Variants in CDIN1 observed in about 807,000 individuals in gnomAD.
The protein encoded by CDIN1 is CDAN1 interacting nuclease 1.
Under a neutral mutation model 45.3 loss-of-function variants are expected in CDIN1, and 33 were observed. The observed-to-expected ratio is 0.73, with a 90% confidence interval of 0.55 to 0.97. The LOEUF is 0.97. Among genes scored for constraint, CDIN1 ranks in the 50% least tolerant of loss-of-function variants. The pLI is 0.00. For synonymous variants in CDIN1, 118 were observed against 124.4 expected, an observed-to-expected ratio of 0.95 and a Z score of 0.34; for missense variants, 303 against 339.4, an observed-to-expected ratio of 0.89 and a Z score of 0.84.
intron 7 of CDIN1, among the ~76,000 whole-genome samples, chr15:36,692,429 A>G (rs1052867516): frequency 5.3e-5 from 8 of 152,218 alleles, no homozygotes; most frequent in Non-Finnish European, 5.9e-5. Context: ...CTGGTTTTCA[A>G]TGAGTTTACA....
rs576976802 is a variant in CDIN1, at chr15:36,619,521, A to G, written c.102-24757A>G. On this transcript the variant is annotated intron_variant, in intron 1 of 10. Coordinates refer to ENST00000566621, the MANE Select transcript of CDIN1 (RefSeq NM_001321759.2). The stretch of plus-strand genomic sequence containing the variant: ...TATCTATCTATCTATCTATCTATCC[A>G]TCCATCCACACACACATATAAAGTG... 4.2e-4 allele frequency among the ~76,000 whole-genome samples: 63 copies of G among 151,306 alleles called. 2 individuals are homozygous for G. In the East Asian group the frequency reaches 0.012, roughly 29 times the overall value.
intron 5 of CDIN1, among the ~76,000 whole-genome samples, chr15:36,672,214 T>C (rs1277779186): frequency 6.6e-6 from 1 of 152,150 alleles, no homozygotes; most frequent in Non-Finnish European, 1.5e-5. Context: ...TCTTTTTCTA[T>C]GAAACATGTC....
chr15:36,760,258 A>G (rs919659778), intron 10 of CDIN1, among the ~76,000 whole-genome samples: 1 of 152,202 alleles, frequency 6.6e-6, no homozygotes, highest in Non-Finnish European at 1.5e-5. Context: ...GGAAAGTACA[A>G]TAGCCTCAGT....
In CDIN1 at chr15:36,622,453, T is replaced by C. The variant is rs186790512; in HGVS notation, c.102-21825T>C. On this transcript the variant is annotated intron_variant, in intron 1 of 10. Transcript: ENST00000566621. ...ACAGCAGCTGTGTGGACTTCTGTCATGGGGAGCAGGGCCCAGCAGTCAGGA... is the reference window on the plus strand; with the variant it reads ...ACAGCAGCTGTGTGGACTTCTGTCACGGGGAGCAGGGCCCAGCAGTCAGGA... 5.8e-3 allele frequency among the ~76,000 whole-genome samples: 885 copies of C among 152,276 alleles called. 6 individuals carry two copies. The highest frequency in any genetic ancestry group is 0.02 in the African/African-American group (840 of 41,558).
At chr15:36,795,140 G>A (rs1391342435) in intron 10 of CDIN1, among the ~76,000 whole-genome samples, 1 of 152,144 alleles carries the variant, frequency 6.6e-6, no homozygotes, top group Non-Finnish European at 1.5e-5. Context: ...AAGAGTGTGA[G>A]TTTAAGAGGG....
intron 5 of CDIN1, among the ~76,000 whole-genome samples, chr15:36,662,580 T>A (rs2041059166): frequency 6.6e-6 from 1 of 152,060 alleles, no homozygotes; most frequent in Non-Finnish European, 1.5e-5. Flanking sequence ...CCAGTAGGTG[T>A]TTAGATCTGA....
At chr15:36,716,815 C>A (rs1320715226) in intron 10 of CDIN1, among the ~76,000 whole-genome samples, 1 of 152,148 alleles carries the variant, frequency 6.6e-6, no homozygotes, top group Non-Finnish European at 1.5e-5. Flanking sequence ...TGAAGAAATA[C>A]AAGTCCAGGT....
intron 10 of CDIN1, among the ~76,000 whole-genome samples, chr15:36,722,198 T>G (rs1039431295): frequency 5.3e-5 from 8 of 152,136 alleles, no homozygotes; most frequent in Non-Finnish European, 8.8e-5. Context: ...AAATTAACCT[T>G]GTAATCTTAA....
chr15:36,763,888 A>G (rs2053841576), intron 10 of CDIN1, among the ~76,000 whole-genome samples: 1 of 152,222 alleles, frequency 6.6e-6, no homozygotes, highest in Non-Finnish European at 1.5e-5. Context: ...AGGTGGCAGC[A>G]AAGGCTATAT....
chr15:36,744,054 A>T (rs2044333293), intron 10 of CDIN1, among the ~76,000 whole-genome samples: 3 of 151,668 alleles, frequency 2.0e-5, no homozygotes, highest in Non-Finnish European at 4.4e-5. Context: ...GACCTTCATG[A>T]AATGCATCAC....
At position 36,742,293 on chromosome 15, in the gene CDIN1, T is replaced by G. The variant is rs900700512; in HGVS notation, c.716+32332T>G. On this transcript the variant is annotated intron_variant, in intron 10 of 10. Coordinates refer to ENST00000566621, the MANE Select transcript of CDIN1 (RefSeq NM_001321759.2). ...AAAATAGAGTATAAATGGAATAATA[T>G]GTAAAATGAGATACGAACCCTTACT... 3.3e-4 allele frequency among the ~76,000 whole-genome samples: 51 copies of G among 152,284 alleles called. 1 individual carries two copies. The highest frequency in any genetic ancestry group is 1.2e-3 in the African/African-American group (49 of 41,566).
At chr15:36,648,052 G>C in intron 3 of CDIN1, among the ~76,000 whole-genome samples, 1 of 151,964 alleles carries the variant, frequency 6.6e-6, no homozygotes, top group East Asian at 1.9e-4. Flanking sequence ...TGTTAGCCAG[G>C]ATGGTCTCGA....
At chr15:36,704,743 C>T (rs970361243) in intron 8 of CDIN1, 5 of 152,008 alleles carry the variant, frequency 3.3e-5, no homozygotes, top group African/African-American at 1.2e-4. Flanking sequence ...TTTTAGAAAA[C>T]TTTTTACAAG....
intron 1 of CDIN1, among the ~76,000 whole-genome samples, chr15:36,585,116 A>G (rs768355620): frequency 5.3e-5 from 8 of 152,160 alleles, no homozygotes; most frequent in Non-Finnish European, 8.8e-5. Flanking sequence ...CACTACATAT[A>G]TATTTGATTA....
intron 10 of CDIN1, among the ~76,000 whole-genome samples, chr15:36,757,135 C>T (rs763370579): frequency 6.6e-5 from 10 of 152,132 alleles, no homozygotes; most frequent in Non-Finnish European, 1.3e-4. Context: ...GTGCAGTACT[C>T]AGAGGGTCCT....
At chr15:36,592,991 A>C (rs2037652865) in intron 1 of CDIN1, among the ~76,000 whole-genome samples, 1 of 152,210 alleles carries the variant, frequency 6.6e-6, no homozygotes, top group Admixed American at 6.5e-5. Flanking sequence ...AAACAGAGGG[A>C]AGATACCTAA....
intron 1 of CDIN1, chr15:36,619,202 C>CTA (rs1458044337): frequency 7.6e-7 from 1 of 1,319,528 alleles, no homozygotes. Context: ...AGTCGTAGGG[C>CTA]TATACCTCAG....
At chr15:36,704,255 A>G (rs1807928821) in intron 8 of CDIN1, 2 of 152,134 alleles carry the variant, frequency 1.3e-5, no homozygotes, top group African/African-American at 4.8e-5. Flanking sequence ...AGCAAAGGAC[A>G]AGGTCAGAGC....
At chr15:36,589,385 G>C (rs917849993) in intron 1 of CDIN1, among the ~76,000 whole-genome samples, 1 of 152,164 alleles carries the variant, frequency 6.6e-6, no homozygotes, top group African/African-American at 2.4e-5. Context: ...ATGTATACTT[G>C]AAGATGTTTC....
Sources: allele counts gnomAD v4.1 joint callset (sites outside exome capture counted in the v4.1 genomes callset), GRCh38; gene constraint gnomAD v4.1.1; transcripts MANE v1.5; gene names NCBI Gene and HGNC (gene_info 2026-07-23, HGNC 2026-07-21).